Variants in MACROD2 observed in about 807,000 individuals in gnomAD.
MACROD2 encodes the protein mono-ADP ribosylhydrolase 2.
In MACROD2, 36 loss-of-function variants were observed where a neutral mutation model predicts 70.4. The observed-to-expected ratio is 0.51, with a 90% CI of 0.39 to 0.68. The LOEUF (loss-of-function observed/expected upper bound fraction) is 0.68. MACROD2 is among the 30% of genes least tolerant of loss of function. The probability of loss-of-function intolerance (pLI) is 0.00; values close to 1 mark genes in which losing one functional copy is unlikely to be tolerated. For synonymous variants in MACROD2, 172 were observed against 178.8 expected (o/e 0.96, Z 0.30); for missense variants, 496 against 538.4 (o/e 0.92, Z 0.78).
intron 6 of MACROD2, among the ~76,000 whole-genome samples, chr20:15,371,889 T>G (rs1474856558): frequency 6.6e-6 from 1 of 152,232 alleles, no homozygotes; most frequent in Admixed American, 6.5e-5. Flanking sequence ...TTGGTATGTA[T>G]AATTCCTGTT....
At chr20:15,786,113 C>G (rs541910846) in intron 8 of MACROD2, among the ~76,000 whole-genome samples, 10 of 148,962 alleles carry the variant, frequency 6.7e-5, no homozygotes, top group Admixed American at 1.3e-4. Flanking sequence ...ATAAGATGGA[C>G]TAAAATTAAA....
intron 5 of MACROD2, among the ~76,000 whole-genome samples, chr20:15,143,670 C>T (rs1394462899): frequency 6.6e-6 from 1 of 151,992 alleles, no homozygotes; most frequent in Non-Finnish European, 1.5e-5. Context: ...AAGTGTTGGC[C>T]ATGCTGTCTC....
At chr20:14,445,714 A>C (rs1171830038) in intron 3 of MACROD2, among the ~76,000 whole-genome samples, 4 of 152,116 alleles carry the variant, frequency 2.6e-5, no homozygotes, top group Admixed American at 2.6e-4. Flanking sequence ...TTGATGTTTG[A>C]TTTTAAAAAT....
chr20:14,276,371 G>A (rs985331226), intron 3 of MACROD2, among the ~76,000 whole-genome samples: 3 of 147,854 alleles, frequency 2.0e-5, no homozygotes, highest in African/African-American at 7.5e-5. Flanking sequence ...GTAAACTATT[G>A]CAAGGACAAA....
chr20:15,862,014 G>C (rs1302509684), intron 8 of MACROD2, among the ~76,000 whole-genome samples: 1 of 152,066 alleles, frequency 6.6e-6, no homozygotes, highest in Admixed American at 6.6e-5. Flanking sequence ...TGTATACTCC[G>C]TGTCTCTTCT....
At chr20:14,454,007 T>C (rs998515946) in intron 3 of MACROD2, among the ~76,000 whole-genome samples, 1 of 151,986 alleles carries the variant, frequency 6.6e-6, no homozygotes, top group African/African-American at 2.4e-5. Context: ...TGTCTTCCAA[T>C]AGTGTAATAA....
chr20:15,112,093 G>C (rs1156788491), intron 5 of MACROD2, among the ~76,000 whole-genome samples: 1 of 152,182 alleles, frequency 6.6e-6, no homozygotes, highest in Non-Finnish European at 1.5e-5. Flanking sequence ...TCTGGCACCA[G>C]GGTGAGAACT....
Position 14,084,064 on chromosome 20 carries a change from AAAAAAACAAAAAACAAAC to A in MACROD2, c.164-1550_164-1533del, listed in dbSNP as rs1207872008. Among the ~76,000 whole-genome samples the A allele has an allele frequency of 5.6e-5, 8 of 143,616 alleles. 2 individuals are homozygous for A. Among genetic ancestry groups the A allele is most frequent in the Non-Finnish European group, 1.5e-5 (1 of 65,392 alleles). The allele number at this position is 143,616 out of a possible 152,430, so 94.2% of individuals were successfully genotyped here. ...GCGTCAGAGCGAGACTCCGTCTCAA[AAAAAAACAAAAAACAAAC>A]AAAAAAAAACCTTCCGGGAGAGAAG... On this transcript the variant is annotated intron_variant, in intron 2 of 17. Coordinates refer to ENST00000684519, the MANE Select transcript of MACROD2 (RefSeq NM_001351661.2).
At chr20:15,324,904 C>G (rs1320402669) in intron 6 of MACROD2, among the ~76,000 whole-genome samples, 1 of 152,180 alleles carries the variant, frequency 6.6e-6, no homozygotes, top group Non-Finnish European at 1.5e-5. Flanking sequence ...GTTTGCATAA[C>G]TTGACCTTTC....
At chr20:15,830,861 GAT>G (rs1360569066) in intron 8 of MACROD2, among the ~76,000 whole-genome samples, 2 of 152,178 alleles carry the variant, frequency 1.3e-5, no homozygotes, top group Non-Finnish European at 1.5e-5. Flanking sequence ...ATGTGTTATA[GAT>G]ATGTAGGCGT....
In MACROD2 at chr20:15,585,466, G is replaced by A. The variant is rs1342639013; in HGVS notation, c.645+85619G>A. Among the ~76,000 whole-genome samples the A allele has an allele frequency of 3.3e-5, 5 of 152,238 alleles. No individual in the cohort carries two copies. The East Asian group carries it at 9.7e-4, about 29-fold the overall frequency. On this transcript the variant is annotated intron_variant, in intron 8 of 17. Transcript: ENST00000684519. ...CCACCTCGGCCTCCCAAAGTGCTGGGATTAGAGGCGTGAGCCACCATGCCC... is the reference window on the plus strand; with the variant it reads ...CCACCTCGGCCTCCCAAAGTGCTGGAATTAGAGGCGTGAGCCACCATGCCC...
chr20:14,070,814 G>C (rs2053827696), intron 2 of MACROD2, among the ~76,000 whole-genome samples: 1 of 152,146 alleles, frequency 6.6e-6, no homozygotes, highest in African/African-American at 2.4e-5. Context: ...GGGAAAGTAA[G>C]AATTTGGAGT....
In MACROD2 at chr20:15,143,760, A is replaced by T. The variant is rs753798526; in HGVS notation, c.419-86180A>T. Among the ~76,000 whole-genome samples, 120 of 151,382 alleles carry T rather than the reference A, an allele frequency of 7.9e-4. 1 individual carries two copies. Among genetic ancestry groups the T allele is most frequent in the Middle Eastern group, 6.8e-3 (2 of 294 alleles). On this transcript the variant is annotated intron_variant, in intron 5 of 17. Coordinates refer to ENST00000684519, the MANE Select transcript of MACROD2 (RefSeq NM_001351661.2). Reference sequence around the variant, plus strand: ...TTTTTCTAATTATTTATATCTGTTAATTTTTTTCTTTTTTATTGTTAGTAT... The same window carrying T: ...TTTTTCTAATTATTTATATCTGTTATTTTTTTTCTTTTTTATTGTTAGTAT...
intron 5 of MACROD2, among the ~76,000 whole-genome samples, chr20:14,981,440 A>G (rs1358209346): frequency 3.2e-5 from 2 of 62,848 alleles, no homozygotes; most frequent in Non-Finnish European, 6.6e-5. Flanking sequence ...ATGTATATAT[A>G]TATATATATA....
chr20:15,927,925 A>C (rs942107527), intron 10 of MACROD2, among the ~76,000 whole-genome samples: 1 of 152,200 alleles, frequency 6.6e-6, no homozygotes, highest in Non-Finnish European at 1.5e-5. Context: ...CTGAGGGGTC[A>C]CAGGGTTTGG....
intron 3 of MACROD2, among the ~76,000 whole-genome samples, chr20:14,219,886 G>A (rs1359594182): frequency 6.6e-6 from 1 of 152,152 alleles, no homozygotes; most frequent in African/African-American, 2.4e-5. Flanking sequence ...ACCATCTGTG[G>A]GTCTCTCAGC....
At chr20:15,945,712 TGTTATTATCC>T (rs777793761) in intron 12 of MACROD2, among the ~76,000 whole-genome samples, 7 of 152,166 alleles carry the variant, frequency 4.6e-5, no homozygotes, top group Non-Finnish European at 7.4e-5. Context: ...AAGTCATCAG[TGTTATTATCC>T]CAATTTTGCA....
At chr20:14,533,071 C>A (rs1220021797) in intron 4 of MACROD2, among the ~76,000 whole-genome samples, 2 of 152,050 alleles carry the variant, frequency 1.3e-5, no homozygotes, top group African/African-American at 2.4e-5. Context: ...ACTGAATGAC[C>A]AGTTTTCCAA....
chr20:15,888,732 A>T lies in MACROD2; in HGVS notation c.775+2921A>T, dbSNP rs2147215316. ...CATATTCAATGGCCCAAGGATGCTA[A>T]GCCACTTGGGCAGAATGGGCTTGGG... On this transcript the variant is annotated intron_variant, in intron 10 of 17. Coordinates refer to ENST00000684519, the MANE Select transcript of MACROD2 (RefSeq NM_001351661.2). Among the ~76,000 whole-genome samples the T allele has an allele frequency of 2.6e-5, 4 of 152,238 alleles. No homozygotes were observed. In the South Asian group the frequency reaches 8.3e-4, roughly 32 times the overall value.
Sources: allele counts gnomAD v4.1 joint callset (sites outside exome capture counted in the v4.1 genomes callset), GRCh38; gene constraint gnomAD v4.1.1; transcripts MANE v1.5; gene names NCBI Gene and HGNC (gene_info 2026-07-23, HGNC 2026-07-21).